The following SPOCK2 variants were observed in gnomAD, a reference collection of about 807,000 sequenced individuals.
SPOCK2 encodes testican-2.
Under a neutral mutation model 60.1 loss-of-function variants are expected in SPOCK2, and 39 were observed. That is an observed-to-expected ratio of 0.65 (90% CI 0.50 to 0.85). The LOEUF (loss-of-function observed/expected upper bound fraction) is 0.85. SPOCK2 is among the 40% of genes least tolerant of loss of function. The pLI, the probability that SPOCK2 is intolerant of heterozygous loss-of-function variation, is 0.00. For synonymous variants in SPOCK2, 217 were observed against 231.5 expected, an observed-to-expected ratio of 0.94 and a Z score of 0.57; for missense variants, 523 against 567.4, an observed-to-expected ratio of 0.92 and a Z score of 0.80.
chr10:72,085,694 G>T (rs1262657067), intron 1 of SPOCK2, among the ~76,000 whole-genome samples: 1 of 152,114 alleles, frequency 6.6e-6, no homozygotes, highest in Non-Finnish European at 1.5e-5. Flanking sequence ...TATGAACAAG[G>T]TCCCAGTTCA....
At chr10:72,066,568 T>G (rs895883120) in intron 8 of SPOCK2, among the ~76,000 whole-genome samples, 1 of 150,766 alleles carries the variant, frequency 6.6e-6, no homozygotes, top group African/African-American at 2.5e-5. Context: ...CGCCAACTCC[T>G]GGGTCACATG....
At chr10:72,085,664 G>A (rs536234646) in intron 1 of SPOCK2, among the ~76,000 whole-genome samples, 1 of 152,214 alleles carries the variant, frequency 6.6e-6, no homozygotes, top group African/African-American at 2.4e-5. Context: ...AAATAGGGGG[G>A]CCCTGTACCA....
intron 2 of SPOCK2, 21 bp downstream of exon 2, chr10:72,072,880 TG>T: frequency 6.4e-7 from 1 of 1,552,790 alleles, no homozygotes; most frequent in Non-Finnish European, 8.7e-7. Flanking sequence ...CCACACAGAG[TG>T]GGGTCCTGGG....
intron 8 of SPOCK2, among the ~76,000 whole-genome samples, chr10:72,064,732 T>C (rs1223378863): frequency 1.3e-5 from 2 of 152,310 alleles, no homozygotes; most frequent in South Asian, 4.1e-4. Flanking sequence ...TTTTATTTTT[T>C]ATTTATTTAT....
chr10:72,073,374 G>A lies in SPOCK2; in HGVS notation c.190-464C>T, dbSNP rs968974438. On this transcript the variant is annotated intron_variant, in intron 1 of 10. Coordinates refer to ENST00000373109, the MANE Select transcript of SPOCK2 (RefSeq NM_001244950.2). ...GACCTCTGCCCACCATGTGAGTGAG[G>A]TGGGAGGAAGACCCCCTCACCCAGT... 4.6e-5 allele frequency among the ~76,000 whole-genome samples: 7 copies of A among 152,238 alleles called. No homozygotes were observed. In the East Asian group the frequency reaches 1.2e-3, roughly 25 times the overall value.
chr10:72,074,075 T>C, intron 1 of SPOCK2, among the ~76,000 whole-genome samples: 1 of 152,128 alleles, frequency 6.6e-6, no homozygotes, highest in Admixed American at 6.5e-5. Flanking sequence ...AGTTCTGCCA[T>C]AGCCCAAAGG....
At chr10:72,072,110 C>A (rs1018250567) in intron 4 of SPOCK2, 34 bp downstream of exon 4, 3 of 1,448,632 alleles carry the variant, frequency 2.1e-6, no homozygotes, top group African/African-American at 1.4e-5. Flanking sequence ...TGAACACACC[C>A]CCTCCAGGGC....
chr10:72,066,776 G>A, intron 8 of SPOCK2, 126 bp downstream of exon 8: 1 of 1,070,606 alleles, frequency 9.3e-7, no homozygotes, highest in Non-Finnish European at 1.4e-6. Context: ...AAGTGGGCAA[G>A]CTGGGAAAGT....
At position 72,087,925 on chromosome 10, in the gene SPOCK2, G is replaced by A. The variant is rs1164140674; in HGVS notation, c.189+215C>T. Among the ~76,000 whole-genome samples, 2 of 151,186 alleles carry A rather than the reference G, an allele frequency of 1.3e-5. No individual in the cohort carries two copies. The highest frequency in any genetic ancestry group is 3.0e-5 in the Non-Finnish European group (2 of 67,628). ...GGGCAGGTGTGGAGCTGGGGGTCCCGGGGCTGGGGGGTCCCAGGGCCGCCG... is the reference window on the plus strand; with the variant it reads ...GGGCAGGTGTGGAGCTGGGGGTCCCAGGGCTGGGGGGTCCCAGGGCCGCCG... On this transcript the variant is annotated intron_variant, in intron 1 of 10. Coordinates refer to ENST00000373109, the MANE Select transcript of SPOCK2 (RefSeq NM_001244950.2). The surrounding 1 kb of genome is among the most constrained non-coding windows in gnomAD (Gnocchi z 4.7).
intron 1 of SPOCK2, among the ~76,000 whole-genome samples, chr10:72,074,353 T>C (rs979265477): frequency 5.9e-5 from 9 of 151,792 alleles, no homozygotes; most frequent in Non-Finnish European, 2.9e-5. Context: ...AGATGCGGTG[T>C]GCACAGGCAT....
In SPOCK2 at chr10:72,062,551, A is replaced by T; in HGVS notation, c.*209T>A. 2 of 902,398 alleles carry T rather than the reference A, an allele frequency of 2.2e-6. No individual in the cohort carries two copies. Among genetic ancestry groups the T allele is most frequent in the Non-Finnish European group, 3.3e-6 (2 of 606,718 alleles). 55.9% of individuals were successfully genotyped at this position (902,398 alleles called of 1,614,324 possible). On this transcript the variant is annotated 3_prime_UTR_variant, in exon 11 of 11. Transcript: ENST00000373109. The surrounding 1 kb of genome is among the most constrained non-coding windows in gnomAD (Gnocchi z 4.3). ...GTCAGCGCATGCCACACACACACAC[A>T]CATACACACATGCATGCACACATGC... is the stretch of plus-strand genomic sequence containing the variant.
intron 5 of SPOCK2, chr10:72,068,937 A>G (rs956776160): frequency 3.3e-5 from 5 of 152,334 alleles, no homozygotes; most frequent in African/African-American, 1.2e-4. Flanking sequence ...GCTCGACAAC[A>G]TTATCTCACT....
rs1840885666 is a variant in SPOCK2, at chr10:72,087,987, G to A, written c.189+153C>T. On this transcript the variant is annotated intron_variant, in intron 1 of 10. Coordinates refer to ENST00000373109, the MANE Select transcript of SPOCK2 (RefSeq NM_001244950.2). This position sits in a 1 kb window ranked among gnomAD's most constrained non-coding sequence, Gnocchi z 4.7. ...AGGGACAGGGGAGGGGCGCTGGGCT[G>A]TGACCCCCAGTACTGTTTACTTTCC... is the stretch of plus-strand genomic sequence containing the variant. 3 of 969,626 alleles carry A rather than the reference G, an allele frequency of 3.1e-6. No individual in the cohort carries two copies. Among genetic ancestry groups the A allele is most frequent in the Middle Eastern group, 3.4e-4 (1 of 2,972 alleles). The allele number at this position is 969,626 out of a possible 1,614,324, so 60.1% of individuals were successfully genotyped here. A position where few individuals can be genotyped will look rare whatever the true frequency, so the allele number is the denominator to read the frequency against.
At chr10:72,073,238 C>T (rs1264833664) in intron 1 of SPOCK2, among the ~76,000 whole-genome samples, 10 of 152,154 alleles carry the variant, frequency 6.6e-5, no homozygotes, top group African/African-American at 1.7e-4. Context: ...GCCCATGCTG[C>T]GTAGGAACAG....
Position 72,075,073 on chromosome 10 carries a change from C to T in SPOCK2, c.190-2163G>A, listed in dbSNP as rs76753637. ...AAGCCTCTGGGGAGGCTGCAGGCACCACTTCCCTCGTTTGCTAAAACCAAC... is the reference window on the plus strand; with the variant it reads ...AAGCCTCTGGGGAGGCTGCAGGCACTACTTCCCTCGTTTGCTAAAACCAAC... On this transcript the variant is annotated intron_variant, in intron 1 of 10. Transcript: ENST00000373109. Among the ~76,000 whole-genome samples, 1,163 of 152,206 alleles carry T rather than the reference C, an allele frequency of 7.6e-3. 14 individuals are homozygous for T. Among genetic ancestry groups the T allele is most frequent in the African/African-American group, 0.027 (1,101 of 41,526 alleles).
rs1483565782 is a variant in SPOCK2, at chr10:72,087,706, C to A, written c.189+434G>T. Among the ~76,000 whole-genome samples, 1 of 152,224 alleles carries A rather than the reference C, an allele frequency of 6.6e-6. No individual in the cohort carries two copies. Among genetic ancestry groups the A allele is most frequent in the African/African-American group, 2.4e-5 (1 of 41,462 alleles). The stretch of plus-strand genomic sequence containing the variant: ...CACTGCCGGCCCCACCCAGACCTGC[C>A]GGTGCTGCAGTGCCCCGTATGTGCA... On this transcript the variant is annotated intron_variant, in intron 1 of 10. Coordinates refer to ENST00000373109, the MANE Select transcript of SPOCK2 (RefSeq NM_001244950.2). This position sits in a 1 kb window ranked among gnomAD's most constrained non-coding sequence, Gnocchi z 4.7.
rs376135362 is a variant in SPOCK2 at position 72,062,978 on chromosome 10, C to T, written c.1129+47G>A. On this transcript the variant is annotated intron_variant, in intron 10 of 10. Transcript: ENST00000373109. This position sits in a 1 kb window ranked among gnomAD's most constrained non-coding sequence, Gnocchi z 4.3. ...ACCCCCCAGCATCCCACGACAAGGG[C>T]CCCCAGGCCTGGGCCCCCAGCAGGC... is the stretch of plus-strand genomic sequence containing the variant. 6.3e-7 allele frequency: 1 copy of T among 1,576,476 alleles called. No individual in the cohort carries two copies. Among genetic ancestry groups the T allele is most frequent in the South Asian group, 1.2e-5 (1 of 86,562 alleles).
At chr10:72,088,109 G>A in intron 1 of SPOCK2, 31 bp downstream of exon 1, 4 of 1,607,692 alleles carry the variant, frequency 2.5e-6, no homozygotes, top group Non-Finnish European at 3.4e-6. Flanking sequence ...CGCAACCCCG[G>A]GTCTCTGCCT....
chr10:72,069,287 C>T (rs1399378662), intron 5 of SPOCK2: 1 of 152,676 alleles, frequency 6.5e-6, no homozygotes, highest in African/African-American at 2.4e-5. Context: ...TGACCTCATC[C>T]CCACAGCAAT....
Sources: gnomAD v4.1 joint callset for allele counts (sites outside exome capture counted in the v4.1 genomes callset) on GRCh38, gnomAD v4.1.1 for gene constraint, Gnocchi (gnomAD v3.1) non-coding constraint, MANE v1.5 for transcripts, NCBI Gene and HGNC (gene_info 2026-07-23, HGNC 2026-07-21) for gene names.